The following PTPRD variants were observed in gnomAD, a reference collection of about 807,000 sequenced individuals.
PTPRD encodes the protein receptor-type tyrosine-protein phosphatase delta.
PTPRD carries 34 observed loss-of-function variants against 214.5 expected under a neutral mutation model. That is an observed-to-expected ratio of 0.16 (90% confidence interval 0.12 to 0.21). The LOEUF (loss-of-function observed/expected upper bound fraction) is 0.21. PTPRD is among the 10% of genes least tolerant of loss of function. The pLI is 1.00. For synonymous variants in PTPRD, 1,128 were observed against 845.7 expected (o/e 1.33, Z -5.79); for missense variants, 2,545 against 2,398.7 (o/e 1.06, Z -1.27).
At chr9:8,483,009 C>T (rs1350153046) in intron 30 of PTPRD, among the ~76,000 whole-genome samples, 2 of 152,236 alleles carry the variant, frequency 1.3e-5, no homozygotes, top group Non-Finnish European at 2.9e-5. Flanking sequence ...GTATCTCTCT[C>T]ACTCTATGGT....
intron 3 of PTPRD, among the ~76,000 whole-genome samples, chr9:10,216,375 G>A (rs1490970010): frequency 6.6e-6 from 1 of 151,556 alleles, no homozygotes; most frequent in Non-Finnish European, 1.5e-5. Flanking sequence ...ACAGGTGGGG[G>A]TTCACTTTAT....
intron 7 of PTPRD, among the ~76,000 whole-genome samples, chr9:9,719,682 G>A (rs1437155785): frequency 1.3e-5 from 2 of 152,182 alleles, no homozygotes; most frequent in Non-Finnish European, 2.9e-5. Context: ...GGTGAGGGGA[G>A]AAGGGCTGTA....
intron 11 of PTPRD, among the ~76,000 whole-genome samples, chr9:8,778,187 C>T (rs1291923124): frequency 1.3e-5 from 2 of 152,144 alleles, no homozygotes; most frequent in African/African-American, 4.8e-5. Flanking sequence ...TTAAGGCCGG[C>T]GTGATAGCCA....
chr9:9,927,548 T>C (rs1005821965), intron 5 of PTPRD, among the ~76,000 whole-genome samples: 10 of 152,164 alleles, frequency 6.6e-5, no homozygotes, highest in Admixed American at 2.0e-4. Flanking sequence ...ACAATTGGTG[T>C]CTGATCTCTC....
intron 10 of PTPRD, among the ~76,000 whole-genome samples, chr9:9,145,929 C>G (rs575622315): frequency 1.6e-4 from 24 of 152,248 alleles, no homozygotes; most frequent in Non-Finnish European, 2.9e-5. Flanking sequence ...CCAATGCAGC[C>G]CAAGGAAAAA....
intron 3 of PTPRD, among the ~76,000 whole-genome samples, chr9:10,277,115 G>C (rs10959003): frequency 0.054 from 8,183 of 152,128 alleles, 248 homozygotes; most frequent in Middle Eastern, 0.095. Flanking sequence ...TAGCTGATCT[G>C]GAGGTTAATG....
intron 11 of PTPRD, among the ~76,000 whole-genome samples, chr9:8,932,800 G>T (rs916232992): frequency 8.5e-5 from 13 of 152,176 alleles, no homozygotes; most frequent in African/African-American, 3.1e-4. Context: ...ATCTTAGCTT[G>T]CTGGGCTCCG....
intron 7 of PTPRD, among the ~76,000 whole-genome samples, chr9:9,591,339 G>C (rs2092708206): frequency 6.6e-6 from 1 of 151,956 alleles, no homozygotes; most frequent in Non-Finnish European, 1.5e-5. Context: ...GAAGAAAATG[G>C]ATCTGTGTCC....
intron 9 of PTPRD, among the ~76,000 whole-genome samples, chr9:9,341,981 A>G (rs1191134455): frequency 2.0e-5 from 3 of 151,670 alleles, no homozygotes; most frequent in Admixed American, 6.6e-5. Flanking sequence ...GTTATTTTTT[A>G]TATTTTTAGT....
chr9:10,324,338 G>C (rs539288404), intron 3 of PTPRD, among the ~76,000 whole-genome samples: 1 of 151,954 alleles, frequency 6.6e-6, no homozygotes, highest in Non-Finnish European at 1.5e-5. Context: ...CTCCTTGGTA[G>C]TAGCTTGAAT....
chr9:10,082,687 C>A (rs751496686), intron 3 of PTPRD, among the ~76,000 whole-genome samples: 1 of 151,728 alleles, frequency 6.6e-6, no homozygotes, highest in African/African-American at 2.4e-5. Flanking sequence ...AATACATGAA[C>A]TTAAGAACAG....
At position 9,136,021 on chromosome 9, in the gene PTPRD, GCA is replaced by G. The variant is rs551509349; in HGVS notation, c.-143+47281_-143+47282del. The stretch of plus-strand genomic sequence containing the variant: ...CATGTGTTCATGCACATACACACAT[GCA>G]CACACACATACATAGTAATTTGAGA... On this transcript the variant is annotated intron_variant, in intron 10 of 45. Coordinates refer to ENST00000381196, the MANE Select transcript of PTPRD (RefSeq NM_002839.4). 2.4e-3 allele frequency among the ~76,000 whole-genome samples: 371 copies of G among 152,094 alleles called. 1 individual carries two copies. The highest frequency in any genetic ancestry group is 8.5e-3 in the African/African-American group (353 of 41,478).
At chr9:8,374,244 G>C (rs2082543257) in intron 39 of PTPRD, among the ~76,000 whole-genome samples, 1 of 151,154 alleles carries the variant, frequency 6.6e-6, no homozygotes, top group African/African-American at 2.4e-5. Context: ...AACTCTATCT[G>C]AAAACAATTC....
intron 42 of PTPRD, among the ~76,000 whole-genome samples, chr9:8,339,486 C>T (rs1469438694): frequency 6.6e-6 from 1 of 152,090 alleles, no homozygotes; most frequent in East Asian, 1.9e-4. Context: ...AGAAAGAAAC[C>T]TCCGAATTGA....
At chr9:9,365,422 C>T (rs1044639862) in intron 9 of PTPRD, among the ~76,000 whole-genome samples, 2 of 151,452 alleles carry the variant, frequency 1.3e-5, no homozygotes, top group African/African-American at 4.8e-5. Flanking sequence ...CTCTATTTTA[C>T]AATTTTTAAC....
At chr9:8,435,540 G>A (rs1384425965) in intron 35 of PTPRD, among the ~76,000 whole-genome samples, 1 of 152,106 alleles carries the variant, frequency 6.6e-6, no homozygotes, top group East Asian at 1.9e-4. Flanking sequence ...GATTTTAGTT[G>A]TACATTTTAA....
intron 35 of PTPRD, among the ~76,000 whole-genome samples, chr9:8,427,138 C>T (rs907446672): frequency 2.6e-5 from 4 of 152,220 alleles, no homozygotes; most frequent in East Asian, 1.9e-4. Context: ...ACTGGTAGGC[C>T]AATCTTTGCT....
intron 3 of PTPRD, among the ~76,000 whole-genome samples, chr9:10,196,403 G>A (rs559626184): frequency 6.6e-5 from 10 of 152,258 alleles, no homozygotes; most frequent in Middle Eastern, 3.4e-3. Context: ...AGTGCCAGAA[G>A]TATTAGTTCC....
chr9:9,200,656 T>C (rs565616809), intron 9 of PTPRD, among the ~76,000 whole-genome samples: 27 of 152,322 alleles, frequency 1.8e-4, no homozygotes, highest in African/African-American at 6.3e-4. Context: ...AGCAAAACAA[T>C]TGTAAATCCT....
Sources: allele counts gnomAD v4.1 joint callset (sites outside exome capture counted in the v4.1 genomes callset), GRCh38; gene constraint gnomAD v4.1.1; transcripts MANE v1.5; gene names NCBI Gene and HGNC (gene_info 2026-07-23, HGNC 2026-07-21).